NR2F1-AS1: variants seen among roughly 807,000 people sequenced by gnomAD.
NR2F1-AS1 encodes NR2F1 regulatory antisense RNA 1, also known as NR2F1 antisense RNA 1.
intron 1 of NR2F1-AS1, among the ~76,000 whole-genome samples, chr5:93,573,199 G>A (rs1317868140): frequency 6.6e-6 from 1 of 152,188 alleles, no homozygotes; most frequent in Non-Finnish European, 1.5e-5. Context: ...CGGGGGAGAG[G>A]GCAAACTAGT....
At chr5:93,472,507 A>G (rs1750387826) in intron 4 of NR2F1-AS1, among the ~76,000 whole-genome samples, 1 of 151,908 alleles carries the variant, frequency 6.6e-6, no homozygotes, top group South Asian at 2.1e-4. Flanking sequence ...TCCATAAGCT[A>G]CATGAATATA....
chr5:93,585,292 G>C, upstream of NR2F1-AS1: 2 of 1,607,422 alleles, frequency 1.2e-6, no homozygotes, highest in Non-Finnish European at 1.7e-6. Context: ...GTGGTGTGCG[G>C]GGACAAGTCG....
chr5:93,526,968 T>A (rs191672309), intron 4 of NR2F1-AS1, among the ~76,000 whole-genome samples: 1 of 152,216 alleles, frequency 6.6e-6, no homozygotes, highest in Admixed American at 6.5e-5. Context: ...ACCACTCCCA[T>A]TCAACACAGT....
chr5:93,445,756 A>AT (rs1478548484), intron 4 of NR2F1-AS1, among the ~76,000 whole-genome samples: 5 of 152,186 alleles, frequency 3.3e-5, no homozygotes, highest in Non-Finnish European at 7.4e-5. Context: ...AAAAAAGAGA[A>AT]TTTTAGACCA....
rs143934392 is a variant in NR2F1-AS1, at chr5:93,421,680, G to A, written n.639-26138C>T. Among the ~76,000 whole-genome samples the A allele has an allele frequency of 1.2e-4, 19 of 152,268 alleles. 1 individual carries two copies. The East Asian group carries it at 3.3e-3, about 26-fold the overall frequency. On this transcript the variant is annotated intron_variant and non_coding_transcript_variant, in intron 4 of 5. Coordinates refer to ENST00000660523, the Ensembl canonical transcript of NR2F1-AS1. Reference sequence around the variant, plus strand: ...AGCCTCCTGCAAGTCAAGCTCCTCCGAGGAGGCCTTCCAGCTCTGCTTCCC... The same window carrying A: ...AGCCTCCTGCAAGTCAAGCTCCTCCAAGGAGGCCTTCCAGCTCTGCTTCCC...
At chr5:93,568,252 T>C (rs937959729) in intron 1 of NR2F1-AS1, among the ~76,000 whole-genome samples, 3 of 152,224 alleles carry the variant, frequency 2.0e-5, no homozygotes, top group African/African-American at 7.2e-5. Context: ...TGTTGGAAGA[T>C]AAATGTGGTT....
chr5:93,575,799 A>G (rs1156451874), intron 1 of NR2F1-AS1, among the ~76,000 whole-genome samples: 1 of 152,220 alleles, frequency 6.6e-6, no homozygotes, highest in African/African-American at 2.4e-5. Flanking sequence ...AGCTGAAAGT[A>G]TCACCTAGAC....
intron 1 of NR2F1-AS1, among the ~76,000 whole-genome samples, chr5:93,564,143 A>C (rs1387414467): frequency 3.9e-5 from 5 of 127,666 alleles, no homozygotes; most frequent in African/African-American, 1.4e-4. Context: ...AAAAAAAAAA[A>C]AAAAAAACAC....
intron 4 of NR2F1-AS1, among the ~76,000 whole-genome samples, chr5:93,500,806 A>T (rs1751063369): frequency 6.6e-6 from 1 of 151,978 alleles, no homozygotes; most frequent in Non-Finnish European, 1.5e-5. Context: ...TGCCCAGCAA[A>T]TTTTTTGTAT....
At chr5:93,571,147 C>T (rs918062518) in intron 1 of NR2F1-AS1, 1 of 152,010 alleles carries the variant, frequency 6.6e-6, no homozygotes, top group Admixed American at 6.5e-5. Flanking sequence ...CGAGGGGCCG[C>T]CACAGGCACC....
chr5:93,452,844 T>C (rs1481114207), intron 4 of NR2F1-AS1, among the ~76,000 whole-genome samples: 1 of 151,924 alleles, frequency 6.6e-6, no homozygotes, highest in Non-Finnish European at 1.5e-5. Context: ...GTAATTTAAA[T>C]GCATGCCAAA....
At chr5:93,542,736 A>C (rs1403545301) in intron 4 of NR2F1-AS1, 1 of 152,220 alleles carries the variant, frequency 6.6e-6, no homozygotes, top group Non-Finnish European at 1.5e-5. Context: ...TGCCTTGAGG[A>C]CATTTGCCTG....
intron 4 of NR2F1-AS1, among the ~76,000 whole-genome samples, chr5:93,480,457 T>A (rs748986970): frequency 2.0e-5 from 3 of 147,112 alleles, no homozygotes; most frequent in Non-Finnish European, 4.4e-5. Context: ...CACTGCCAGA[T>A]AAAAGTTCAC....
intron 4 of NR2F1-AS1, among the ~76,000 whole-genome samples, chr5:93,519,450 G>A (rs951412263): frequency 6.6e-6 from 1 of 151,806 alleles, no homozygotes; most frequent in Non-Finnish European, 1.5e-5. Context: ...ATTCACATAC[G>A]TGGGAATATA....
intron 4 of NR2F1-AS1, among the ~76,000 whole-genome samples, chr5:93,531,393 T>C (rs917994277): frequency 2.6e-5 from 4 of 152,206 alleles, no homozygotes; most frequent in Admixed American, 6.5e-5. Context: ...TTCCCACCTA[T>C]GCGTATCCTC....
intron 4 of NR2F1-AS1, among the ~76,000 whole-genome samples, chr5:93,471,360 C>G (rs1750360611): frequency 6.6e-6 from 1 of 151,776 alleles, no homozygotes; most frequent in African/African-American, 2.4e-5. Context: ...AGGCAATATT[C>G]AGAAATGCAA....
At chr5:93,519,182 T>TA (rs901144283) in intron 4 of NR2F1-AS1, among the ~76,000 whole-genome samples, 4 of 151,668 alleles carry the variant, frequency 2.6e-5, no homozygotes, top group East Asian at 1.9e-4. Flanking sequence ...ATACTGTATA[T>TA]AAAAAAAATA....
chr5:93,487,269 A>T (rs1750744560), intron 4 of NR2F1-AS1, among the ~76,000 whole-genome samples: 1 of 152,202 alleles, frequency 6.6e-6, no homozygotes, highest in Non-Finnish European at 1.5e-5. Context: ...AGAGAAAGAA[A>T]TAAAGGGTAT....
At chr5:93,413,673 C>T (rs186064575) in intron 4 of NR2F1-AS1, among the ~76,000 whole-genome samples, 1 of 152,134 alleles carries the variant, frequency 6.6e-6, no homozygotes, top group East Asian at 1.9e-4. Flanking sequence ...GTACCTGTGG[C>T]CACAAGAAAC....
Sources: allele counts gnomAD v4.1 joint callset (sites outside exome capture counted in the v4.1 genomes callset), GRCh38; gene constraint gnomAD v4.1.1; transcripts MANE v1.5; gene names NCBI Gene and HGNC (gene_info 2026-07-23, HGNC 2026-07-21).